Variants in MACROD2 observed in about 807,000 individuals in gnomAD.
MACROD2 encodes mono-ADP ribosylhydrolase 2.
In MACROD2, 36 loss-of-function variants were observed where a neutral mutation model predicts 70.4. The ratio of observed to expected loss-of-function variants is 0.51; its 90% CI spans 0.39 to 0.68. The LOEUF (loss-of-function observed/expected upper bound fraction) is 0.68. Among genes scored for constraint, MACROD2 ranks in the 30% least tolerant of loss-of-function variants. The pLI is 0.00. For synonymous variants in MACROD2, 172 were observed against 178.8 expected (o/e 0.96, Z 0.30); for missense variants, 496 against 538.4 (o/e 0.92, Z 0.78).
intron 5 of MACROD2, among the ~76,000 whole-genome samples, chr20:14,844,162 T>G (rs1214360570): frequency 6.6e-6 from 1 of 151,944 alleles, no homozygotes; most frequent in African/African-American, 2.4e-5. Flanking sequence ...GGCCTGAGGG[T>G]CTCAACATTC....
At chr20:14,229,113 A>G (rs1427689263) in intron 3 of MACROD2, among the ~76,000 whole-genome samples, 3 of 152,222 alleles carry the variant, frequency 2.0e-5, no homozygotes, top group Non-Finnish European at 4.4e-5. Context: ...GCAAAACTAT[A>G]AAACTTTAGG....
At chr20:14,638,709 G>A (rs1274106164) in intron 4 of MACROD2, among the ~76,000 whole-genome samples, 1 of 152,186 alleles carries the variant, frequency 6.6e-6, no homozygotes, top group Non-Finnish European at 1.5e-5. Context: ...CCAACACTTT[G>A]TGAGGCCATG....
At chr20:15,206,380 C>CAA (rs1306475591) in intron 5 of MACROD2, among the ~76,000 whole-genome samples, 1 of 152,020 alleles carries the variant, frequency 6.6e-6, no homozygotes, top group Non-Finnish European at 1.5e-5. Context: ...ATTGCTTATT[C>CAA]TGTTTAAAAA....
chr20:14,520,258 G>C (rs1003143261), intron 4 of MACROD2, among the ~76,000 whole-genome samples: 2 of 152,110 alleles, frequency 1.3e-5, no homozygotes, highest in African/African-American at 4.8e-5. Flanking sequence ...TCTTTTAAAA[G>C]ATGGTGGAGT....
At position 14,636,803 on chromosome 20, in the gene MACROD2, T is replaced by G. The variant is rs16994767; in HGVS notation, c.302-48040T>G. Among the ~76,000 whole-genome samples the G allele has an allele frequency of 4.9e-3, 686 of 139,278 alleles. 3 individuals carry two copies. The highest frequency in any genetic ancestry group is 0.02 in the African/African-American group (616 of 30,454). The allele number at this position is 139,278 out of a possible 152,430, so 91.4% of individuals were successfully genotyped here. ...AAGGGACTGTGCCTTGTATCCAAGA[T>G]AGAAAAAATAAAATAGCTCCTGCTC... On this transcript the variant is annotated intron_variant, in intron 4 of 17. Transcript: ENST00000684519.
intron 4 of MACROD2, among the ~76,000 whole-genome samples, chr20:14,562,158 G>A (rs1225994780): frequency 6.6e-6 from 1 of 151,760 alleles, no homozygotes; most frequent in African/African-American, 2.4e-5. Context: ...TTAATGTCTT[G>A]GGATTTGGGA....
At chr20:14,560,456 A>G (rs1434219708) in intron 4 of MACROD2, among the ~76,000 whole-genome samples, 5 of 151,810 alleles carry the variant, frequency 3.3e-5, no homozygotes, top group South Asian at 4.2e-4. Context: ...ACCAAATCAT[A>G]TGTGGTTGGA....
intron 5 of MACROD2, among the ~76,000 whole-genome samples, chr20:14,789,563 C>T (rs920381587): frequency 6.9e-6 from 1 of 145,934 alleles, no homozygotes; most frequent in Non-Finnish European, 1.5e-5. Flanking sequence ...GCAACCTCCG[C>T]CTCCCAGGTT....
chr20:15,000,124 A>G (rs778696391), intron 5 of MACROD2, among the ~76,000 whole-genome samples: 6 of 152,234 alleles, frequency 3.9e-5, no homozygotes, highest in Non-Finnish European at 5.9e-5. Flanking sequence ...ATGAAAAAAT[A>G]AAAGGCTTAA....
intron 9 of MACROD2, among the ~76,000 whole-genome samples, chr20:15,883,809 A>C (rs1781931652): frequency 6.6e-6 from 1 of 152,158 alleles, no homozygotes; most frequent in Admixed American, 6.6e-5. Context: ...CTAGTATATA[A>C]AATGAATGGC....
chr20:15,831,206 A>G (rs1182831265), intron 8 of MACROD2, among the ~76,000 whole-genome samples: 5 of 152,200 alleles, frequency 3.3e-5, no homozygotes, highest in Admixed American at 3.3e-4. Context: ...CACAGGTCAT[A>G]TAGACCCCAT....
At chr20:14,881,852 T>C (rs927814598) in intron 5 of MACROD2, among the ~76,000 whole-genome samples, 4 of 152,172 alleles carry the variant, frequency 2.6e-5, no homozygotes, top group Admixed American at 6.5e-5. Context: ...TTCAAGTCCC[T>C]GCTACCTAGG....
rs572051829 is a variant in MACROD2, at chr20:15,553,334, C to T, written c.645+53487C>T. On this transcript the variant is annotated intron_variant, in intron 8 of 17. Coordinates refer to ENST00000684519, the MANE Select transcript of MACROD2 (RefSeq NM_001351661.2). ...GGGCATGCTATGCTAGAGGAAGTCC[C>T]ATTACTGCAGGAATACATAGGGTCA... Among the ~76,000 whole-genome samples the T allele has an allele frequency of 1.1e-4, 17 of 152,292 alleles. No individual in the cohort carries two copies. In the East Asian group the frequency reaches 3.3e-3, roughly 29 times the overall value.
intron 6 of MACROD2, among the ~76,000 whole-genome samples, chr20:15,259,941 G>T (rs1321338319): frequency 6.6e-6 from 1 of 151,740 alleles, no homozygotes; most frequent in Non-Finnish European, 1.5e-5. Flanking sequence ...GAATGAAATG[G>T]AACAGAATGG....
chr20:15,167,387 C>T (rs138088066), intron 5 of MACROD2, among the ~76,000 whole-genome samples: 114 of 152,240 alleles, frequency 7.5e-4, no homozygotes, highest in Middle Eastern at 6.8e-3. Flanking sequence ...TTTAAGATAA[C>T]CTTGTTTCCT....
chr20:15,389,374 A>G (rs1475143349), intron 6 of MACROD2, among the ~76,000 whole-genome samples: 1 of 152,190 alleles, frequency 6.6e-6, no homozygotes, highest in Non-Finnish European at 1.5e-5. Context: ...AAGAAAGAGG[A>G]AGAAAGGAAG....
chr20:15,627,814 G>C (rs2049228185), intron 8 of MACROD2, among the ~76,000 whole-genome samples: 1 of 152,158 alleles, frequency 6.6e-6, no homozygotes. Flanking sequence ...GCTTTACAAA[G>C]GTGATTGAAT....
chr20:14,058,204 A>G (rs911888646), intron 2 of MACROD2, among the ~76,000 whole-genome samples: 23 of 152,272 alleles, frequency 1.5e-4, no homozygotes, highest in African/African-American at 5.5e-4. Flanking sequence ...TTCTGCATAT[A>G]TGTATGCTTC....
intron 10 of MACROD2, among the ~76,000 whole-genome samples, chr20:15,916,285 G>A (rs760151928): frequency 7.9e-5 from 12 of 152,156 alleles, no homozygotes; most frequent in African/African-American, 1.4e-4. Context: ...TAGAGGATGC[G>A]TGTCCTCATG....
Sources: gnomAD v4.1 joint callset for allele counts (sites outside exome capture counted in the v4.1 genomes callset) on GRCh38, gnomAD v4.1.1 for gene constraint, MANE v1.5 for transcripts, NCBI Gene and HGNC (gene_info 2026-07-23, HGNC 2026-07-21) for gene names.